The following ITGAV variants were observed in gnomAD, a reference collection of about 807,000 sequenced individuals.
The protein encoded by ITGAV is integrin subunit alpha V, also known as integrin alpha-V.
Under a neutral mutation model 143.8 loss-of-function variants are expected in ITGAV, and 76 were observed. The observed-to-expected ratio is 0.53, with a 90% confidence interval of 0.44 to 0.64. The LOEUF is 0.64. ITGAV is among the 30% of genes least tolerant of loss of function. The pLI is 0.00. For missense variants in ITGAV, 1,193 were observed against 1,274.7 expected (o/e 0.94, Z 0.98); for synonymous variants, 453 against 446.7 (o/e 1.01, Z -0.18).
intron 1 of ITGAV, among the ~76,000 whole-genome samples, chr2:186,591,798 T>G (rs1235419802): frequency 6.6e-6 from 1 of 152,054 alleles, no homozygotes; most frequent in Non-Finnish European, 1.5e-5. Flanking sequence ...CATTATTTTA[T>G]GTAGCAAGCT....
chr2:186,625,651 ATG>A, intron 4 of ITGAV, 64 bp downstream of exon 4: 2 of 701,772 alleles, frequency 2.8e-6, no homozygotes, highest in Non-Finnish European at 4.6e-6. Context: ...TGTTAAAAAT[ATG>A]TGTGTGTGGG....
intron 16 of ITGAV, among the ~76,000 whole-genome samples, chr2:186,655,241 A>G (rs2105731044): frequency 6.6e-6 from 1 of 152,362 alleles, no homozygotes; most frequent in African/African-American, 2.4e-5. Context: ...AATTATTGCC[A>G]GGGTTTGTCA....
intron 15 of ITGAV, among the ~76,000 whole-genome samples, chr2:186,652,317 G>C (rs1245222834): frequency 5.3e-5 from 8 of 152,130 alleles, no homozygotes; most frequent in East Asian, 1.9e-4. Flanking sequence ...GGCCTTTATA[G>C]TAGCTGGGAC....
Position 186,668,847 on chromosome 2 carries a change from A to G in ITGAV, c.2519A>G (p.Tyr840Cys). 2 of 1,613,052 alleles carry G rather than the reference A, an allele frequency of 1.2e-6. No homozygotes were observed. The highest frequency in any genetic ancestry group is 1.7e-6 in the Non-Finnish European group (2 of 1,179,156). Residue 840 changes from tyrosine to cysteine, a missense_variant, in exon 25 of 30, where the codon TAT becomes TGT. Physicochemically the swap from Tyr to Cys is radical, Grantham distance 194. Transcript: ENST00000261023. ...AAATATAATAATAACACTCTGTTGT[A>G]TATCCTTCATTATGATATTGATGGA... is the stretch of plus-strand genomic sequence containing the variant. ...PYKYNNNTLL[Y>C]ILHYDIDGPM... is the part of the protein sequence containing the mutation.
chr2:186,644,894 T>C (rs970030232), intron 12 of ITGAV, among the ~76,000 whole-genome samples: 3 of 151,716 alleles, frequency 2.0e-5, no homozygotes, highest in African/African-American at 7.3e-5. Context: ...ATATAAAGGA[T>C]GAGTGATCAA....
At chr2:186,661,498 A>G (rs897220150) in intron 18 of ITGAV, among the ~76,000 whole-genome samples, 9 of 151,934 alleles carry the variant, frequency 5.9e-5, no homozygotes, top group African/African-American at 2.2e-4. Flanking sequence ...TCTGCTCCCT[A>G]ATCCTTTGGT....
chr2:186,621,511 A>G (rs1687519101), intron 2 of ITGAV, among the ~76,000 whole-genome samples: 1 of 152,182 alleles, frequency 6.6e-6, no homozygotes, highest in African/African-American at 2.4e-5. Flanking sequence ...TTATCCCAAT[A>G]AAGTCCTTTG....
chr2:186,601,777 T>C (rs912027905), intron 1 of ITGAV, among the ~76,000 whole-genome samples: 1 of 152,100 alleles, frequency 6.6e-6, no homozygotes, highest in African/African-American at 2.4e-5. Flanking sequence ...CTGCATAAAT[T>C]CCTAAATGAA....
chr2:186,668,660 T>A, intron 24 of ITGAV, 102 bp from the exon 25 acceptor site: 1 of 1,026,618 alleles, frequency 9.7e-7, no homozygotes, highest in Middle Eastern at 2.1e-4. Context: ...TTGCTGTTAT[T>A]TAAAACCTAT....
In ITGAV at chr2:186,678,177, G is replaced by T. The variant is rs978766712; in HGVS notation, c.*885G>T. ...AAAAAAGCATTTTTATTAAAATACT[G>T]TGTAGTTCTTTGAGATAGTTGCTTA... On this transcript the variant is annotated 3_prime_UTR_variant, in exon 30 of 30. Coordinates refer to ENST00000261023, the MANE Select transcript of ITGAV (RefSeq NM_002210.5). 1 of 150,806 alleles carries T rather than the reference G, an allele frequency of 6.6e-6. No individual in the cohort carries two copies. The highest frequency in any genetic ancestry group is 6.7e-5 in the Admixed American group (1 of 15,036). The allele number at this position is 150,806 out of a possible 1,614,324, so 9.3% of individuals were successfully genotyped here.
At chr2:186,671,173 T>C (rs1301356079) in intron 26 of ITGAV, among the ~76,000 whole-genome samples, 1 of 152,184 alleles carries the variant, frequency 6.6e-6, no homozygotes, top group East Asian at 1.9e-4. Flanking sequence ...CACTATACTT[T>C]GTATGCTATA....
chr2:186,644,545 C>T (rs1688197763), intron 12 of ITGAV, among the ~76,000 whole-genome samples: 1 of 151,392 alleles, frequency 6.6e-6, no homozygotes, highest in Admixed American at 6.6e-5. Flanking sequence ...AGGATGGTCT[C>T]AATCTCTTGA....
chr2:186,641,399 T>C lies in ITGAV; in HGVS notation c.970T>C (p.Phe324Leu). Residue 324 changes from phenylalanine to leucine, a missense_variant, in exon 12 of 30, where the codon TTT (phenylalanine) becomes CTT (leucine). Coordinates refer to ENST00000261023, the MANE Select transcript of ITGAV (RefSeq NM_002210.5). Reference sequence around the variant, plus strand: ...CTGTTCTTCTAGTTATGCAGATGTGTTTATTGGAGCACCTCTCTTCATGGA... The same window carrying C: ...CTGTTCTTCTAGTTATGCAGATGTGCTTATTGGAGCACCTCTCTTCATGGA... ...DINGDDYADVFIGAPLFMDRG... is the reference protein window; with the variant it reads ...DINGDDYADVLIGAPLFMDRG... The C allele has an allele frequency of 1.2e-6, 2 of 1,613,966 alleles. No individual in the cohort carries two copies. Among genetic ancestry groups the C allele is most frequent in the Non-Finnish European group, 1.7e-6 (2 of 1,179,838 alleles).
At chr2:186,646,926 G>A (rs202012659) in intron 13 of ITGAV, 49 bp downstream of exon 13, 7 of 1,200,554 alleles carry the variant, frequency 5.8e-6, no homozygotes, top group Non-Finnish European at 8.1e-6. Flanking sequence ...AGTCCTAATA[G>A]CAAATAGTAT....
intron 1 of ITGAV, among the ~76,000 whole-genome samples, chr2:186,594,902 A>G (rs1686705752): frequency 6.6e-6 from 1 of 152,190 alleles, no homozygotes; most frequent in African/African-American, 2.4e-5. Context: ...CTAGGCTATA[A>G]TTTTGTTATT....
At chr2:186,635,708 A>G (rs763276906) in intron 6 of ITGAV, among the ~76,000 whole-genome samples, 2 of 152,196 alleles carry the variant, frequency 1.3e-5, no homozygotes, top group Non-Finnish European at 2.9e-5. Context: ...TATCAATTGA[A>G]CCAATTATTC....
chr2:186,655,277 A>G (rs1688550573), intron 16 of ITGAV, among the ~76,000 whole-genome samples: 1 of 152,220 alleles, frequency 6.6e-6, no homozygotes, highest in South Asian at 2.1e-4. Flanking sequence ...GTGGTAAGGA[A>G]TAATAGTAAA....
Position 186,675,778 on chromosome 2 carries a change from G to T in ITGAV, c.2821-42G>T, listed in dbSNP as rs551451385. On this transcript the variant is annotated intron_variant, in intron 27 of 29. Transcript: ENST00000261023. Reference sequence around the variant, plus strand: ...CAGTGTTTTCAAATAAATATAAAAGGCCTGATATCTGGGAAATCATCTAAT... The same window carrying T: ...CAGTGTTTTCAAATAAATATAAAAGTCCTGATATCTGGGAAATCATCTAAT... The T allele has an allele frequency of 5.8e-6, 9 of 1,539,208 alleles. No homozygotes were observed. The African/African-American group carries it at 9.5e-5, about 16-fold the overall frequency.
chr2:186,664,562 G>C lies in ITGAV; in HGVS notation c.1994G>C (p.Gly665Ala). 6.2e-7 allele frequency: 1 copy of C among 1,614,064 alleles called. No homozygotes were observed. The highest frequency in any genetic ancestry group is 8.5e-7 in the Non-Finnish European group (1 of 1,179,948). ...TTGATTGTTAAGGCTCAGAATCAAG[G>C]AGAAGGTGCCTACGAAGCTGAGCTC... ...LTLIVKAQNQ[G>A]EGAYEAELIV... The change falls in exon 20 of 30, where the codon GGA (glycine) becomes GCA (alanine). Residue 665 changes from glycine to alanine, a missense_variant. Gly to Ala is a moderately conservative substitution (Grantham distance 60, BLOSUM62 0). Transcript: ENST00000261023.
Sources: allele counts gnomAD v4.1 joint callset (sites outside exome capture counted in the v4.1 genomes callset), GRCh38; gene constraint gnomAD v4.1.1; transcripts MANE v1.5; gene names NCBI Gene and HGNC (gene_info 2026-07-23, HGNC 2026-07-21).